LRRTM3: variants seen among roughly 807,000 people sequenced by gnomAD.
The protein encoded by LRRTM3 is leucine rich repeat transmembrane neuronal 3, also known as leucine-rich repeat transmembrane neuronal protein 3.
LRRTM3 carries 24 observed loss-of-function variants against 44.7 expected under a neutral mutation model. The observed-to-expected ratio is 0.54, with a 90% CI of 0.39 to 0.76. LRRTM3 has a LOEUF of 0.76. Ranked by LOEUF, LRRTM3 falls within the 30% of genes least tolerant of loss-of-function variation. The pLI, the probability that LRRTM3 is intolerant of heterozygous loss-of-function variation, is 0.00. For synonymous variants in LRRTM3, 277 were observed against 278.7 expected, an observed-to-expected ratio of 0.99 and a Z score of 0.06; for missense variants, 587 against 702.2, an observed-to-expected ratio of 0.84 and a Z score of 1.85.
At chr10:67,066,279 G>A (rs953914120) in intron 2 of LRRTM3, among the ~76,000 whole-genome samples, 2 of 139,782 alleles carry the variant, frequency 1.4e-5, no homozygotes, top group East Asian at 2.2e-4. Flanking sequence ...TGCAACCTCC[G>A]CCTCCCGGGT....
At chr10:66,990,800 T>A (rs924824456) in intron 2 of LRRTM3, among the ~76,000 whole-genome samples, 1 of 152,194 alleles carries the variant, frequency 6.6e-6, no homozygotes, top group African/African-American at 2.4e-5. Flanking sequence ...CCAAAATCTG[T>A]CCTTTACCAA....
intron 2 of LRRTM3, among the ~76,000 whole-genome samples, chr10:67,049,583 T>C (rs1042479437): frequency 6.6e-6 from 1 of 152,178 alleles, no homozygotes; most frequent in Middle Eastern, 3.2e-3. Flanking sequence ...GGTTGCTTTG[T>C]GTTTAACTTG....
In LRRTM3 at chr10:67,055,528, C is replaced by T. The variant is rs529111609; in HGVS notation, c.1537-42059C>T. On this transcript the variant is annotated intron_variant, in intron 2 of 2. Transcript: ENST00000361320. ...GAAAACTGCAGCTCTGGAAAGGAGACAATGCCATTTGCAGGCTAGAAAGTT... is the reference window on the plus strand; with the variant it reads ...GAAAACTGCAGCTCTGGAAAGGAGATAATGCCATTTGCAGGCTAGAAAGTT... Among the ~76,000 whole-genome samples the T allele has an allele frequency of 2.0e-5, 3 of 152,208 alleles. No individual in the cohort carries two copies. The South Asian group carries it at 6.2e-4, about 32-fold the overall frequency.
chr10:66,946,825 T>C (rs1273954167), intron 2 of LRRTM3, among the ~76,000 whole-genome samples: 2 of 152,118 alleles, frequency 1.3e-5, no homozygotes, highest in South Asian at 4.1e-4. Flanking sequence ...GATCTACGTA[T>C]GTACTTGGAA....
chr10:66,966,870 T>C (rs1849445554), intron 2 of LRRTM3, among the ~76,000 whole-genome samples: 1 of 152,082 alleles, frequency 6.6e-6, no homozygotes, highest in Admixed American at 6.5e-5. Context: ...ATTTAAGACA[T>C]GTTTAGTAGC....
At chr10:67,063,581 G>A (rs1462344946) in intron 2 of LRRTM3, among the ~76,000 whole-genome samples, 1 of 152,200 alleles carries the variant, frequency 6.6e-6, no homozygotes, top group African/African-American at 2.4e-5. Context: ...ATGAAAGGTT[G>A]GGACCAGTGA....
chr10:66,973,874 G>A (rs555167055), intron 2 of LRRTM3, among the ~76,000 whole-genome samples: 14 of 152,056 alleles, frequency 9.2e-5, no homozygotes, highest in South Asian at 6.3e-4. Flanking sequence ...TATCCCCCTC[G>A]GCCTCCCAAA....
At chr10:66,980,058 G>A (rs1216232806) in intron 2 of LRRTM3, among the ~76,000 whole-genome samples, 6 of 152,126 alleles carry the variant, frequency 3.9e-5, no homozygotes, top group Non-Finnish European at 1.5e-5. Context: ...ATGTTTAGAG[G>A]CCTAGAATGT....
At chr10:67,090,681 T>C (rs924748258) in intron 2 of LRRTM3, among the ~76,000 whole-genome samples, 6 of 152,050 alleles carry the variant, frequency 3.9e-5, no homozygotes, top group Non-Finnish European at 5.9e-5. Context: ...CTGTGCTACA[T>C]AGTAAATGCT....
chr10:66,942,546 ATGTC>A (rs1211310536), intron 2 of LRRTM3, among the ~76,000 whole-genome samples: 7 of 115,238 alleles, frequency 6.1e-5, no homozygotes, highest in Middle Eastern at 3.7e-3. Context: ...CATTGCCATA[ATGTC>A]TCTCTCTCTC....
intron 2 of LRRTM3, among the ~76,000 whole-genome samples, chr10:67,021,001 A>C (rs1310424070): frequency 6.6e-6 from 1 of 152,212 alleles, no homozygotes; most frequent in Non-Finnish European, 1.5e-5. Context: ...CTGAGATACC[A>C]ACTGAAGAGT....
intron 2 of LRRTM3, among the ~76,000 whole-genome samples, chr10:66,929,360 C>A (rs190451502): frequency 7.9e-5 from 12 of 152,296 alleles, no homozygotes; most frequent in African/African-American, 2.9e-4. Flanking sequence ...TGAGAGCTTA[C>A]CAGAATTTCT....
chr10:67,067,177 T>C (rs1243671070), intron 2 of LRRTM3, among the ~76,000 whole-genome samples: 1 of 152,170 alleles, frequency 6.6e-6, no homozygotes. Context: ...TAATAAATCT[T>C]AGCAAACTAT....
At chr10:67,056,152 C>T (rs757809617) in intron 2 of LRRTM3, among the ~76,000 whole-genome samples, 1 of 152,076 alleles carries the variant, frequency 6.6e-6, no homozygotes, top group African/African-American at 2.4e-5. Context: ...TACATACTGT[C>T]GCCCATTCAT....
At chr10:67,089,116 G>A (rs573504113) in intron 2 of LRRTM3, among the ~76,000 whole-genome samples, 1 of 151,822 alleles carries the variant, frequency 6.6e-6, no homozygotes, top group African/African-American at 2.4e-5. Context: ...AAACCTAAGG[G>A]ACCCCCCATA....
At chr10:67,079,772 C>T (rs1856949189) in intron 2 of LRRTM3, among the ~76,000 whole-genome samples, 2 of 151,880 alleles carry the variant, frequency 1.3e-5, no homozygotes, top group East Asian at 1.9e-4. Context: ...CTCTTGAACC[C>T]GGGAGGCGGA....
intron 2 of LRRTM3, among the ~76,000 whole-genome samples, chr10:66,959,195 A>T (rs1848989237): frequency 6.6e-6 from 1 of 152,146 alleles, no homozygotes; most frequent in East Asian, 1.9e-4. Flanking sequence ...AGCAGATTCA[A>T]CTTTTTGACA....
At chr10:66,945,113 T>C (rs1848211297) in intron 2 of LRRTM3, among the ~76,000 whole-genome samples, 1 of 152,188 alleles carries the variant, frequency 6.6e-6, no homozygotes, top group Non-Finnish European at 1.5e-5. Context: ...ACTCAGCTTG[T>C]CCTTTGGAGC....
At chr10:67,094,416 A>T (rs1034935490) in intron 2 of LRRTM3, among the ~76,000 whole-genome samples, 1 of 151,876 alleles carries the variant, frequency 6.6e-6, no homozygotes, top group African/African-American at 2.4e-5. Context: ...AATACATGAT[A>T]GCAATTGTAT....
Sources: gnomAD v4.1 joint callset for allele counts (sites outside exome capture counted in the v4.1 genomes callset) on GRCh38, gnomAD v4.1.1 for gene constraint, MANE v1.5 for transcripts, NCBI Gene and HGNC (gene_info 2026-07-23, HGNC 2026-07-21) for gene names.